PCNX2: variants seen among roughly 807,000 people sequenced by gnomAD.
PCNX2 encodes pecanex-like protein 2.
PCNX2 carries 168 observed loss-of-function variants against 223.8 expected under a neutral mutation model. That is an observed-to-expected ratio of 0.75 (90% CI 0.66 to 0.85). PCNX2 has a LOEUF of 0.85. PCNX2 is among the 40% of genes least tolerant of loss of function. The pLI, the probability that PCNX2 is intolerant of heterozygous loss-of-function variation, is 0.00. For synonymous variants in PCNX2, 1,006 were observed against 1,052.6 expected (o/e 0.96, Z 0.86); for missense variants, 2,507 against 2,675.5 (o/e 0.94, Z 1.39).
At chr1:233,230,199 A>G (rs1294876865) in intron 9 of PCNX2, among the ~76,000 whole-genome samples, 3 of 152,170 alleles carry the variant, frequency 2.0e-5, no homozygotes, top group Non-Finnish European at 2.9e-5. Flanking sequence ...ATGTATCCAC[A>G]TCTGTATCTA....
intron 8 of PCNX2, among the ~76,000 whole-genome samples, chr1:233,240,586 T>A (rs6662453): frequency 0.075 from 11,421 of 152,256 alleles, 1,314 homozygotes; most frequent in African/African-American, 0.25. Context: ...CTCTGGTGAA[T>A]CTTTGGTAAA....
chr1:232,996,997 C>A (rs567967375), intron 32 of PCNX2, among the ~76,000 whole-genome samples: 19 of 152,252 alleles, frequency 1.2e-4, no homozygotes, highest in African/African-American at 4.6e-4. Flanking sequence ...TGTTTCTCTA[C>A]CTACGCTTTT....
chr1:233,289,653 C>G (rs918798653), intron 1 of PCNX2, among the ~76,000 whole-genome samples: 6 of 152,158 alleles, frequency 3.9e-5, no homozygotes, highest in Non-Finnish European at 5.9e-5. Context: ...AAATAAGGCC[C>G]CCAGAAGTGG....
chr1:233,224,208 C>G (rs1022382873), intron 10 of PCNX2, among the ~76,000 whole-genome samples: 1 of 152,134 alleles, frequency 6.6e-6, no homozygotes, highest in Non-Finnish European at 1.5e-5. Flanking sequence ...ACCTGATCGA[C>G]TAGATAAATG....
intron 19 of PCNX2, among the ~76,000 whole-genome samples, chr1:233,142,386 T>G (rs562480691): frequency 5.3e-5 from 8 of 152,204 alleles, no homozygotes; most frequent in Middle Eastern, 3.4e-3. Flanking sequence ...AACTACAAAT[T>G]CATTTATACT....
intron 25 of PCNX2, among the ~76,000 whole-genome samples, chr1:233,051,148 T>G (rs919797679): frequency 1.3e-5 from 2 of 152,028 alleles, no homozygotes; most frequent in African/African-American, 4.8e-5. Context: ...TGAATCAGAA[T>G]AGCTATTATT....
chr1:233,167,094 G>A (rs1010881789), intron 17 of PCNX2, among the ~76,000 whole-genome samples: 6 of 152,192 alleles, frequency 3.9e-5, no homozygotes, highest in Non-Finnish European at 7.3e-5. Context: ...GTGCTACCAC[G>A]TGTATTGCAG....
chr1:233,282,968 A>G (rs1195505592), intron 1 of PCNX2, among the ~76,000 whole-genome samples: 1 of 152,180 alleles, frequency 6.6e-6, no homozygotes, highest in East Asian at 1.9e-4. Flanking sequence ...TAATTCATCT[A>G]AGTAACTTTT....
At chr1:233,158,873 C>T (rs1436812439) in intron 19 of PCNX2, among the ~76,000 whole-genome samples, 7 of 152,112 alleles carry the variant, frequency 4.6e-5, no homozygotes, top group Non-Finnish European at 1.0e-4. Flanking sequence ...AGAAACTGGT[C>T]TTTTTCATCA....
chr1:233,165,651 A>T (rs192368297), intron 17 of PCNX2, among the ~76,000 whole-genome samples: 2 of 152,332 alleles, frequency 1.3e-5, no homozygotes, highest in Non-Finnish European at 2.9e-5. Flanking sequence ...AAATTTGAGA[A>T]AAAAAGTGTG....
chr1:233,137,160 C>T (rs1676853810), intron 20 of PCNX2, among the ~76,000 whole-genome samples: 1 of 152,148 alleles, frequency 6.6e-6, no homozygotes, highest in East Asian at 1.9e-4. Flanking sequence ...TGGCCAGGAC[C>T]CCACTGTCGG....
chr1:233,188,510 C>T (rs965949804), intron 15 of PCNX2, among the ~76,000 whole-genome samples: 2 of 152,054 alleles, frequency 1.3e-5, no homozygotes, highest in African/African-American at 4.8e-5. Flanking sequence ...CTTTTTAGGT[C>T]AGACCCACTC....
chr1:233,222,629 G>C (rs1350810624), intron 10 of PCNX2, among the ~76,000 whole-genome samples: 1 of 152,184 alleles, frequency 6.6e-6, no homozygotes, highest in African/African-American at 2.4e-5. Flanking sequence ...AAATGGCTCA[G>C]ACCAGGTGGT....
chr1:233,037,277 C>T (rs193093387), intron 25 of PCNX2, among the ~76,000 whole-genome samples: 6 of 152,246 alleles, frequency 3.9e-5, no homozygotes, highest in African/African-American at 4.8e-5. Flanking sequence ...GCAACTTCTC[C>T]CCTAGTTCCA....
chr1:233,255,352 A>C (rs917973129), intron 5 of PCNX2, among the ~76,000 whole-genome samples: 2 of 152,112 alleles, frequency 1.3e-5, no homozygotes, highest in African/African-American at 4.8e-5. Flanking sequence ...CATAACCTCC[A>C]ATCAGGGCAC....
intron 1 of PCNX2, among the ~76,000 whole-genome samples, chr1:233,292,202 C>CTTTCTTTTT (rs1661807909): frequency 9.1e-6 from 1 of 109,492 alleles, no homozygotes; most frequent in African/African-American, 4.0e-5. Flanking sequence ...TTCTTTCTTT[C>CTTTCTTTTT]TTTTTTTTTT....
intron 15 of PCNX2, among the ~76,000 whole-genome samples, chr1:233,196,899 G>A (rs1680769962): frequency 6.6e-6 from 1 of 152,188 alleles, no homozygotes; most frequent in African/African-American, 2.4e-5. Context: ...GGGACTGACT[G>A]CAAGTGAACA....
chr1:233,161,507 T>C, intron 17 of PCNX2, 144 bp from the exon 18 acceptor site: 1 of 673,160 alleles, frequency 1.5e-6, no homozygotes, highest in African/African-American at 1.8e-5. Flanking sequence ...CATTGGCACA[T>C]ACTGGATGGG....
At chr1:233,099,314 G>A (rs1674350173) in intron 21 of PCNX2, among the ~76,000 whole-genome samples, 1 of 152,286 alleles carries the variant, frequency 6.6e-6, no homozygotes, top group East Asian at 1.9e-4. Flanking sequence ...TCACAAGCAT[G>A]AACATCACAC....
Sources: gnomAD v4.1 joint callset for allele counts (sites outside exome capture counted in the v4.1 genomes callset) on GRCh38, gnomAD v4.1.1 for gene constraint, MANE v1.5 for transcripts, NCBI Gene and HGNC (gene_info 2026-07-23, HGNC 2026-07-21) for gene names.